Variants in ICA1 observed in about 807,000 individuals in gnomAD.
ICA1 encodes the protein islet cell autoantigen 1, also known as 69 kDa islet cell autoantigen.
Under a neutral mutation model 71.0 loss-of-function variants are expected in ICA1, and 40 were observed. The observed-to-expected ratio is 0.56, with a 90% CI of 0.44 to 0.73. The LOEUF (loss-of-function observed/expected upper bound fraction) is 0.73. ICA1 is among the 30% of genes least tolerant of loss of function. The probability of loss-of-function intolerance (pLI) is 0.00; values close to 1 mark genes in which losing one functional copy is unlikely to be tolerated. For missense variants in ICA1, 578 were observed against 576.5 expected, an observed-to-expected ratio of 1.00 and a Z score of -0.03; for synonymous variants, 207 against 209.5, an observed-to-expected ratio of 0.99 and a Z score of 0.10.
intron 4 of ICA1, chr7:8,227,754 T>C (rs1799069736): frequency 2.4e-6 from 1 of 410,224 alleles, no homozygotes; most frequent in Non-Finnish European, 4.9e-6. Context: ...TTTTTAAGTG[T>C]TTTTATTTTT....
intron 8 of ICA1, among the ~76,000 whole-genome samples, chr7:8,156,328 C>T (rs189866193): frequency 9.2e-5 from 14 of 152,330 alleles, no homozygotes; most frequent in African/African-American, 3.1e-4. Context: ...CGATAAAGAG[C>T]AAGGCAAGTT....
At chr7:8,215,688 A>T (rs1256660733) in intron 6 of ICA1, among the ~76,000 whole-genome samples, 1 of 152,242 alleles carries the variant, frequency 6.6e-6, no homozygotes, top group Non-Finnish European at 1.5e-5. Flanking sequence ...CACATCCATG[A>T]GGTATGAATT....
intron 6 of ICA1, among the ~76,000 whole-genome samples, chr7:8,180,953 A>T (rs2128261593): frequency 6.6e-6 from 1 of 152,002 alleles, no homozygotes; most frequent in African/African-American, 2.4e-5. Context: ...ATCTTTTCTA[A>T]ATGGTGTTTT....
chr7:8,256,196 A>G (rs1380906920), intron 1 of ICA1, among the ~76,000 whole-genome samples: 1 of 152,164 alleles, frequency 6.6e-6, no homozygotes, highest in Non-Finnish European at 1.5e-5. Flanking sequence ...CTATCTGTGT[A>G]CCTGTCCATT....
chr7:8,128,829 G>A (rs930016382), intron 12 of ICA1, among the ~76,000 whole-genome samples: 5 of 152,182 alleles, frequency 3.3e-5, no homozygotes, highest in African/African-American at 4.8e-5. Flanking sequence ...TTCGAGGGGC[G>A]TTGAAGTGAG....
intron 6 of ICA1, among the ~76,000 whole-genome samples, chr7:8,202,633 TG>T (rs1265348798): frequency 6.6e-6 from 1 of 152,224 alleles, no homozygotes; most frequent in African/African-American, 2.4e-5. Flanking sequence ...ATTCTGGGGA[TG>T]AATGAGAATT....
At chr7:8,240,172 C>G (rs1212898527) in intron 1 of ICA1, among the ~76,000 whole-genome samples, 1 of 152,096 alleles carries the variant, frequency 6.6e-6, no homozygotes, top group African/African-American at 2.4e-5. Flanking sequence ...CAGGTGGGTG[C>G]CCCTCTGGGA....
chr7:8,212,487 C>A (rs1407467330), intron 6 of ICA1, among the ~76,000 whole-genome samples: 3 of 40,354 alleles, frequency 7.4e-5, no homozygotes, highest in African/African-American at 3.6e-4. Context: ...AATGCTTGAA[C>A]CTGGGAAGCG....
At chr7:8,213,334 G>A (rs937068611) in intron 6 of ICA1, among the ~76,000 whole-genome samples, 8 of 152,170 alleles carry the variant, frequency 5.3e-5, no homozygotes, top group African/African-American at 1.9e-4. Flanking sequence ...AGAGATATTA[G>A]CGCTTAAACA....
At chr7:8,249,447 G>C (rs1287686846) in intron 1 of ICA1, among the ~76,000 whole-genome samples, 2 of 152,228 alleles carry the variant, frequency 1.3e-5, no homozygotes, top group Non-Finnish European at 2.9e-5. Context: ...GAAGCACCAT[G>C]TGCCACCTTC....
chr7:8,220,257 T>C (rs1796649174), intron 5 of ICA1, among the ~76,000 whole-genome samples: 1 of 152,168 alleles, frequency 6.6e-6, no homozygotes, highest in African/African-American at 2.4e-5. Context: ...AGGGTCCAAA[T>C]GTCATCAGGA....
At chr7:8,128,265 A>T (rs555916996) in intron 12 of ICA1, 123 bp from the exon 13 acceptor site, 580 of 974,254 alleles carry the variant, frequency 6.0e-4, no homozygotes, top group Non-Finnish European at 8.5e-4. Context: ...ATGTCATCAA[A>T]ATATAAGTTC....
At chr7:8,197,800 A>G (rs1159284366) in intron 6 of ICA1, among the ~76,000 whole-genome samples, 1 of 152,000 alleles carries the variant, frequency 6.6e-6, no homozygotes, top group Non-Finnish European at 1.5e-5. Flanking sequence ...AACAGACCCA[A>G]GAAAGCTAAA....
Position 8,127,920 on chromosome 7 carries a change from G to A in ICA1, c.1283C>T (p.Ser428Leu). 1.2e-6 allele frequency: 2 copies of A among 1,614,174 alleles called. No homozygotes were observed. Among genetic ancestry groups the A allele is most frequent in the Non-Finnish European group, 1.7e-6 (2 of 1,180,030 alleles). Residue 428 changes from serine (S) to leucine (L), a missense_variant, in exon 13 of 14, where the codon TCG becomes TTG. Transcript: ENST00000402384. The part of the protein sequence containing the change: ...KAQTGSGFLP[S>L]QLLDQNMKDL... ...TTTCATATTTTGGTCTAAAAGCTGC[G>A]AAGGAAGGAAACCTGAGCCTGTCTG...
intron 1 of ICA1, among the ~76,000 whole-genome samples, chr7:8,255,053 G>A (rs1809584262): frequency 6.6e-6 from 1 of 152,130 alleles, no homozygotes; most frequent in African/African-American, 2.4e-5. Flanking sequence ...ACAACCTGCT[G>A]TTCGCTTCCT....
chr7:8,162,610 T>C (rs1466157335), intron 6 of ICA1, among the ~76,000 whole-genome samples: 2 of 152,222 alleles, frequency 1.3e-5, no homozygotes, highest in East Asian at 1.9e-4. Context: ...CAACCCTAGA[T>C]AAGTTATATT....
intron 12 of ICA1, among the ~76,000 whole-genome samples, chr7:8,128,533 T>C (rs370626242): frequency 3.3e-5 from 5 of 152,302 alleles, no homozygotes; most frequent in South Asian, 2.1e-4. Flanking sequence ...TCAATACACA[T>C]TGCCTGGGCT....
chr7:8,259,836 G>A (rs1016711249), intron 1 of ICA1, among the ~76,000 whole-genome samples: 4 of 152,134 alleles, frequency 2.6e-5, no homozygotes, highest in Admixed American at 6.5e-5. Context: ...AGAAAAAAGC[G>A]GGGGAAAAGT....
intron 1 of ICA1, among the ~76,000 whole-genome samples, chr7:8,243,129 A>G (rs1197255054): frequency 6.6e-6 from 1 of 152,198 alleles, no homozygotes; most frequent in Admixed American, 6.5e-5. Context: ...GGAATTTTAG[A>G]CCTATATCCC....
Sources: allele counts gnomAD v4.1 joint callset (sites outside exome capture counted in the v4.1 genomes callset), GRCh38; gene constraint gnomAD v4.1.1; transcripts MANE v1.5; gene names NCBI Gene and HGNC (gene_info 2026-07-23, HGNC 2026-07-21).